ARHGAP17: variants seen among roughly 807,000 people sequenced by gnomAD.
ARHGAP17 encodes Rho GTPase activating protein 17.
A neutral mutation model predicts 99.5 loss-of-function variants in ARHGAP17; 57 were observed. The ratio of observed to expected loss-of-function variants is 0.57; its 90% CI spans 0.46 to 0.71. The LOEUF is 0.71. ARHGAP17 is among the 30% of genes least tolerant of loss of function. The probability of loss-of-function intolerance (pLI) is 0.00; values close to 1 mark genes in which losing one functional copy is unlikely to be tolerated. For missense variants in ARHGAP17, 1,000 were observed against 1,122.4 expected (o/e 0.89, Z 1.56); for synonymous variants, 417 against 429.6 (o/e 0.97, Z 0.36).
chr16:24,950,560 C>T (rs1177871413), intron 12 of ARHGAP17, among the ~76,000 whole-genome samples: 1 of 152,102 alleles, frequency 6.6e-6, no homozygotes, highest in East Asian at 1.9e-4. Flanking sequence ...TGCGGCTGAG[C>T]GCGGTGGTTT....
intron 19 of ARHGAP17, among the ~76,000 whole-genome samples, chr16:24,929,421 A>G (rs2050923747): frequency 6.6e-6 from 1 of 152,220 alleles, no homozygotes; most frequent in Admixed American, 6.5e-5. Flanking sequence ...ACTGCAGCTC[A>G]AAGTGCTTCT....
In ARHGAP17 at chr16:24,930,951, T is replaced by A. The variant is rs111463480; in HGVS notation, c.2348A>T (p.Asn783Ile). ...LPAPQTLAGG[N>I]PETAQPHAGT... is the part of the protein sequence containing the mutation. ...AGCATGTGGCTGTGCAGTTTCAGGGTTACCCCCTGCCAGGGTCTGAGGAGC... is the reference window on the plus strand; with the variant it reads ...AGCATGTGGCTGTGCAGTTTCAGGGATACCCCCTGCCAGGGTCTGAGGAGC... Residue 783 changes from asparagine (N) to isoleucine (I), a missense_variant, in exon 19 of 20, where the codon AAC (asparagine) becomes ATC (isoleucine). Asn to Ile is a moderately radical substitution (Grantham distance 149, BLOSUM62 -3). This residue lies in a region of ARHGAP17 where 528 missense variants were observed against 511.4 expected (regional missense o/e 1.03). Coordinates refer to ENST00000289968, the MANE Select transcript of ARHGAP17 (RefSeq NM_001006634.3). 4.7e-5 allele frequency: 76 copies of A among 1,613,954 alleles called. No individual in the cohort carries two copies. In the African/African-American group the frequency reaches 8.4e-4, roughly 18 times the overall value.
At chr16:24,982,185 C>T (rs1171514197) in intron 1 of ARHGAP17, among the ~76,000 whole-genome samples, 1 of 151,862 alleles carries the variant, frequency 6.6e-6, no homozygotes, top group African/African-American at 2.4e-5. Flanking sequence ...GGGTGGATCA[C>T]TTGAGGTCAG....
chr16:24,953,707 T>C (rs895619903), intron 10 of ARHGAP17, among the ~76,000 whole-genome samples: 1 of 152,156 alleles, frequency 6.6e-6, no homozygotes, highest in Non-Finnish European at 1.5e-5. Flanking sequence ...GCTCAGGTAG[T>C]TCTTTACAGC....
intron 1 of ARHGAP17, among the ~76,000 whole-genome samples, chr16:24,989,810 TAAC>T (rs1444846652): frequency 6.6e-6 from 1 of 151,626 alleles, no homozygotes; most frequent in African/African-American, 2.4e-5. Context: ...CCAAAAAAAA[TAAC>T]GTCATAAAAG....
intron 1 of ARHGAP17, among the ~76,000 whole-genome samples, chr16:24,999,925 T>C (rs2053313195): frequency 6.6e-6 from 1 of 152,218 alleles, no homozygotes; most frequent in African/African-American, 2.4e-5. Context: ...TGTGTCACAC[T>C]GTATGTCCTC....
Position 24,951,740 on chromosome 16 carries a change from T to C in ARHGAP17, c.1046+549A>G, listed in dbSNP as rs570124220. Among the ~76,000 whole-genome samples the C allele has an allele frequency of 4.5e-4, 69 of 152,362 alleles. 1 individual carries two copies. In the Middle Eastern group the frequency reaches 0.01, roughly 23 times the overall value. The stretch of plus-strand genomic sequence containing the variant: ...GCTTATCTATTGTAAGAATACAGTA[T>C]ATAATACATACAACATACAAAATAT... On this transcript the variant is annotated intron_variant, in intron 12 of 19. Transcript: ENST00000289968.
chr16:24,933,510 AG>A (rs1412003282), intron 18 of ARHGAP17, among the ~76,000 whole-genome samples: 1 of 151,808 alleles, frequency 6.6e-6, no homozygotes, highest in Non-Finnish European at 1.5e-5. Context: ...AAAAAAAAAA[AG>A]AAAAAAGGGT....
In ARHGAP17 at chr16:24,953,013, G is replaced by T. The variant is rs1267930185; in HGVS notation, c.882C>A (p.Ser294=). Residue 294 remains serine (S), a synonymous_variant, in exon 11 of 20, where the codon TCC becomes TCA. Coordinates refer to ENST00000289968, the MANE Select transcript of ARHGAP17 (RefSeq NM_001006634.3). ...AAGCAGCTTTCAGCTTCTTTAACTT[G>T]GAGGCCCCAGCCCCAATTCGGAAAA... The part of the protein sequence containing the change: ...EGLFRIGAGA[S]KLKKLKAALD... The T allele has an allele frequency of 6.2e-7, 1 of 1,614,182 alleles. No individual in the cohort carries two copies. Among genetic ancestry groups the T allele is most frequent in the South Asian group, 1.1e-5 (1 of 91,078 alleles).
In ARHGAP17 at chr16:24,930,791, T is replaced by C. The variant is rs1287433567; in HGVS notation, c.2508A>G (p.Ile836Met). ...LTNTAPTASK[I>M]VTDSNSRVSE... is the part of the protein sequence containing the mutation. ...CATTGATGTCCTACTTACCTGTTAC[T>C]ATCTTGGAAGCTGTTGGTGCTGTGT... Residue 836 changes from isoleucine (I) to methionine (M), a missense_variant, in exon 19 of 20, where the codon ATA becomes ATG. Around this residue, in one of 2 missense-constraint regions of ARHGAP17, gnomAD observed 528 missense variants for 511.4 expected, o/e 1.03. Coordinates refer to ENST00000289968, the MANE Select transcript of ARHGAP17 (RefSeq NM_001006634.3). The C allele has an allele frequency of 1.2e-6, 2 of 1,614,204 alleles. No individual in the cohort carries two copies. Among genetic ancestry groups the C allele is most frequent in the Middle Eastern group, 1.6e-4 (1 of 6,062 alleles).
At chr16:24,990,440 C>T (rs771049510) in intron 1 of ARHGAP17, among the ~76,000 whole-genome samples, 1 of 151,702 alleles carries the variant, frequency 6.6e-6, no homozygotes, top group Non-Finnish European at 1.5e-5. Flanking sequence ...GAGCCACGAT[C>T]GTGCCACTGC....
intron 1 of ARHGAP17, chr16:25,013,963 A>G (rs1055429325): frequency 2.0e-5 from 3 of 152,206 alleles, no homozygotes; most frequent in African/African-American, 7.2e-5. Flanking sequence ...TTTCCTGCAA[A>G]TAACAGAAAA....
intron 1 of ARHGAP17, among the ~76,000 whole-genome samples, chr16:25,011,497 G>C (rs6497771): frequency 0.038 from 5,828 of 152,122 alleles, 362 homozygotes; most frequent in African/African-American, 0.13. Context: ...CTGAGGGCAG[G>C]AGTTTGAGAC....
intron 18 of ARHGAP17, among the ~76,000 whole-genome samples, chr16:24,935,144 C>T (rs1318571482): frequency 6.6e-6 from 1 of 152,152 alleles, no homozygotes. Flanking sequence ...CTCCCAGACC[C>T]ACAAAGCTGA....
At chr16:24,939,759 C>A in intron 16 of ARHGAP17, 162 bp from the exon 17 acceptor site, 1 of 696,516 alleles carries the variant, frequency 1.4e-6, no homozygotes, top group Non-Finnish European at 2.5e-6. Flanking sequence ...CCCTGAGCAA[C>A]TCCACTCGGC....
At chr16:24,979,425 A>G (rs2052609778) in intron 1 of ARHGAP17, among the ~76,000 whole-genome samples, 1 of 152,178 alleles carries the variant, frequency 6.6e-6, no homozygotes, top group African/African-American at 2.4e-5. Context: ...TTGAGAAAAC[A>G]CTGTTCTACA....
In ARHGAP17 at chr16:24,931,382, T is replaced by C. The variant is rs2050987469; in HGVS notation, c.1917A>G (p.Ala639=). ...LRRAVKKPAP[A]PPKPGNPPPG... is the part of the protein sequence containing the mutation. ...GAGGTGGGTTGCCCGGTTTCGGGGGTGCTGGAGCGGGTTTTTTAACAGCTG... is the reference window on the plus strand; with the variant it reads ...GAGGTGGGTTGCCCGGTTTCGGGGGCGCTGGAGCGGGTTTTTTAACAGCTG... Residue 639 remains alanine, a synonymous_variant, in exon 19 of 20, where the codon GCA becomes GCG. Coordinates refer to ENST00000289968, the MANE Select transcript of ARHGAP17 (RefSeq NM_001006634.3). 1 of 1,510,048 alleles carries C rather than the reference T, an allele frequency of 6.6e-7. No individual in the cohort carries two copies. Among genetic ancestry groups the C allele is most frequent in the Non-Finnish European group, 8.8e-7 (1 of 1,132,378 alleles). 93.5% of individuals were successfully genotyped at this position (1,510,048 alleles called of 1,614,324 possible).
rs550834998 is a variant in ARHGAP17, at chr16:24,976,678, A to C, written c.198+537T>G. On this transcript the variant is annotated intron_variant, in intron 3 of 19. Coordinates refer to ENST00000289968, the MANE Select transcript of ARHGAP17 (RefSeq NM_001006634.3). ...GAGGCTCTCTACTCCCACTGGCCAC[A>C]CTCAAGGAACAAGCAGCCCATAGAA... Among the ~76,000 whole-genome samples, 3 of 152,336 alleles carry C rather than the reference A, an allele frequency of 2.0e-5. No individual in the cohort carries two copies. The South Asian group carries it at 6.2e-4, about 32-fold the overall frequency.
chr16:25,005,554 T>G (rs2053482295), intron 1 of ARHGAP17, among the ~76,000 whole-genome samples: 1 of 152,246 alleles, frequency 6.6e-6, no homozygotes, highest in Non-Finnish European at 1.5e-5. Context: ...TAGCTCTGTC[T>G]CCACATTCAA....
Sources: gnomAD v4.1 joint callset for allele counts (sites outside exome capture counted in the v4.1 genomes callset) on GRCh38, gnomAD v4.1.1 for gene constraint, gnomAD v4.1.1 regional missense constraint, MANE v1.5 for transcripts, NCBI Gene and HGNC (gene_info 2026-07-23, HGNC 2026-07-21) for gene names.